MGLL: variants seen among roughly 807,000 people sequenced by gnomAD.
MGLL encodes the protein monoglyceride lipase, also known as lysophospholipase homolog.
A neutral mutation model predicts 29.1 loss-of-function variants in MGLL; 7 were observed. That is an observed-to-expected ratio of 0.24 (90% confidence interval 0.14 to 0.45). The LOEUF is 0.45. Ranked by LOEUF, MGLL falls within the 20% of genes least tolerant of loss-of-function variation. The pLI, the probability that MGLL is intolerant of heterozygous loss-of-function variation, is 0.99. For missense variants in MGLL, 356 were observed against 413.6 expected (o/e 0.86, Z 1.21); for synonymous variants, 148 against 168.3 (o/e 0.88, Z 0.93).
chr3:127,731,118 A>G (rs1337969848), intron 3 of MGLL, among the ~76,000 whole-genome samples: 1 of 152,216 alleles, frequency 6.6e-6, no homozygotes, highest in Non-Finnish European at 1.5e-5. Context: ...CACCATGGAA[A>G]CAGAGTTTGT....
At chr3:127,715,747 G>C (rs979035040) in intron 5 of MGLL, 1 of 456,490 alleles carries the variant, frequency 2.2e-6, no homozygotes, top group Non-Finnish European at 4.4e-6. Context: ...GCACCCAGAT[G>C]GATCACATTG....
chr3:127,794,925 T>C (rs896926696), intron 2 of MGLL, among the ~76,000 whole-genome samples: 5 of 152,220 alleles, frequency 3.3e-5, no homozygotes, highest in African/African-American at 1.2e-4. Context: ...TGTCTAGTAT[T>C]AGAAACTGAG....
chr3:127,746,939 T>G (rs2107663210), intron 3 of MGLL, among the ~76,000 whole-genome samples: 1 of 152,308 alleles, frequency 6.6e-6, no homozygotes, highest in South Asian at 2.1e-4. Context: ...AGCTGGTCCC[T>G]GGGGTGGCTC....
intron 3 of MGLL, among the ~76,000 whole-genome samples, chr3:127,756,397 T>C (rs541237367): frequency 6.6e-6 from 1 of 152,246 alleles, no homozygotes; most frequent in Admixed American, 6.5e-5. Flanking sequence ...TCCAGGCCAA[T>C]ATTTCTCTGC....
At chr3:127,707,323 G>A (rs141496120) in intron 6 of MGLL, among the ~76,000 whole-genome samples, 18 of 152,258 alleles carry the variant, frequency 1.2e-4, no homozygotes, top group Non-Finnish European at 2.4e-4. Context: ...TGAGGGCATG[G>A]GCAGATGCTG....
At chr3:127,771,803 C>T (rs1329584943) in intron 3 of MGLL, among the ~76,000 whole-genome samples, 3 of 152,154 alleles carry the variant, frequency 2.0e-5, no homozygotes, top group Admixed American at 6.5e-5. Flanking sequence ...AGAAGCCCTA[C>T]GTTAATTTTA....
intron 3 of MGLL, among the ~76,000 whole-genome samples, chr3:127,776,577 C>A (rs1480846368): frequency 6.6e-6 from 1 of 152,206 alleles, no homozygotes; most frequent in African/African-American, 2.4e-5. Flanking sequence ...AGGTGCCACA[C>A]CCCTTCCTGA....
At chr3:127,807,222 GTTCAT>G (rs1385931291) in intron 2 of MGLL, among the ~76,000 whole-genome samples, 1 of 151,960 alleles carries the variant, frequency 6.6e-6, no homozygotes, top group Non-Finnish European at 1.5e-5. Flanking sequence ...CTTAAAATTT[GTTCAT>G]TTCATTTATG....
At chr3:127,781,177 GTGTA>G (rs1324658943) in intron 3 of MGLL, among the ~76,000 whole-genome samples, 1 of 152,148 alleles carries the variant, frequency 6.6e-6, no homozygotes, top group Non-Finnish European at 1.5e-5. Context: ...AGGTGCACAT[GTGTA>G]TGTATGTGTG....
chr3:127,818,375 A>G (rs1159037845), intron 2 of MGLL, among the ~76,000 whole-genome samples: 4 of 149,188 alleles, frequency 2.7e-5, no homozygotes, highest in Non-Finnish European at 5.9e-5. Context: ...ACCTATCTCT[A>G]ATCTTTTTTT....
intron 2 of MGLL, among the ~76,000 whole-genome samples, chr3:127,785,836 G>C (rs1310025475): frequency 6.6e-6 from 1 of 152,244 alleles, no homozygotes; most frequent in Non-Finnish European, 1.5e-5. Context: ...GAACACGCCT[G>C]TGAGTGTGTA....
chr3:127,787,518 C>T (rs1329495336), intron 2 of MGLL, among the ~76,000 whole-genome samples: 1 of 152,222 alleles, frequency 6.6e-6, no homozygotes, highest in African/African-American at 2.4e-5. Context: ...GCTGAAGGAA[C>T]GTTCCGTTCA....
At chr3:127,716,078 C>G (rs58959211) in intron 5 of MGLL, 2 of 334,392 alleles carry the variant, frequency 6.0e-6, no homozygotes, top group East Asian at 1.6e-4. Flanking sequence ...ATTATGCCAG[C>G]TCAACCCAGA....
chr3:127,779,282 G>A (rs1037232418), intron 3 of MGLL, among the ~76,000 whole-genome samples: 133 of 152,222 alleles, frequency 8.7e-4, no homozygotes, highest in African/African-American at 3.1e-3. Flanking sequence ...CAGGATAATC[G>A]CTTGAACCCG....
At chr3:127,780,272 A>G (rs574837855) in intron 3 of MGLL, among the ~76,000 whole-genome samples, 1 of 152,374 alleles carries the variant, frequency 6.6e-6, no homozygotes, top group South Asian at 2.1e-4. Context: ...TGGTGCTAAG[A>G]TACAAAATAG....
At chr3:127,744,136 C>T (rs2076397309) in intron 3 of MGLL, among the ~76,000 whole-genome samples, 1 of 152,096 alleles carries the variant, frequency 6.6e-6, no homozygotes, top group Non-Finnish European at 1.5e-5. Context: ...TTTTTTTAAG[C>T]TGTTACTACA....
intron 6 of MGLL, among the ~76,000 whole-genome samples, chr3:127,705,039 C>T (rs1473824458): frequency 6.6e-6 from 1 of 152,088 alleles, no homozygotes; most frequent in Non-Finnish European, 1.5e-5. Flanking sequence ...TACTATGCAG[C>T]CATAAAAAGG....
intron 3 of MGLL, among the ~76,000 whole-genome samples, chr3:127,778,720 A>C (rs970113523): frequency 2.0e-5 from 3 of 152,214 alleles, no homozygotes; most frequent in African/African-American, 7.2e-5. Context: ...GGGCACAATA[A>C]ATGTCCTGAC....
chr3:127,782,079 G>A (rs3732651), intron 2 of MGLL, among the ~76,000 whole-genome samples, 184 bp from the exon 3 acceptor site: 12,486 of 152,150 alleles, frequency 0.082, 709 homozygotes, highest in South Asian at 0.15. Context: ...AAAATTAGCC[G>A]GGAGTGGTGG....
Sources: allele counts gnomAD v4.1 joint callset (sites outside exome capture counted in the v4.1 genomes callset), GRCh38; gene constraint gnomAD v4.1.1; transcripts MANE v1.5; gene names NCBI Gene and HGNC (gene_info 2026-07-23, HGNC 2026-07-21).